The following CFAP96 variants were observed in gnomAD, a reference collection of about 807,000 sequenced individuals.
CFAP96 encodes the protein cilia and flagella associated protein 96, also known as cilia-and flagella-associated protein 96.
At chr4:185,425,844 G>T in the CFAP96 span, 1 of 1,602,362 alleles carries the variant, frequency 6.2e-7, no homozygotes, top group Non-Finnish European at 8.5e-7. Flanking sequence ...CACAGGGGTC[G>T]GTGACGAGCA....
the CFAP96 span, among the ~76,000 whole-genome samples, chr4:185,417,366 C>T: frequency 1.3e-5 from 2 of 152,228 alleles, no homozygotes; most frequent in African/African-American, 2.4e-5. Context: ...GTAAATCTAA[C>T]AGCTCATCTG....
the CFAP96 span, among the ~76,000 whole-genome samples, chr4:185,424,931 G>A: frequency 6.6e-6 from 1 of 152,216 alleles, no homozygotes; most frequent in Non-Finnish European, 1.5e-5. Context: ...GATACTCTCT[G>A]AAGAAATAAT....
chr4:185,418,836 A>G, the CFAP96 span: 4 of 1,289,758 alleles, frequency 3.1e-6, no homozygotes, highest in Admixed American at 1.1e-4. Context: ...GGTTCCAAAC[A>G]TACACAAAAG....
At chr4:185,411,832 A>G in the CFAP96 span, among the ~76,000 whole-genome samples, 3 of 152,236 alleles carry the variant, frequency 2.0e-5, no homozygotes, top group African/African-American at 7.2e-5. Context: ...GATGTTTGAT[A>G]TGTAATATTG....
At chr4:185,436,396 TA>T in the CFAP96 span, 1 of 1,391,688 alleles carries the variant, frequency 7.2e-7, no homozygotes. Context: ...ACCTTTCTTT[TA>T]TTTAGCTAAC....
the CFAP96 span, among the ~76,000 whole-genome samples, chr4:185,441,051 A>G: frequency 1.3e-5 from 2 of 151,856 alleles, no homozygotes; most frequent in Non-Finnish European, 2.9e-5. Context: ...CTTGAGTTCA[A>G]GCAATACTCC....
At chr4:185,409,643 C>T in the CFAP96 span, among the ~76,000 whole-genome samples, 1 of 152,144 alleles carries the variant, frequency 6.6e-6, no homozygotes, top group African/African-American at 2.4e-5. Context: ...AAGTGGCTCC[C>T]AAAAGGTATG....
chr4:185,435,770 C>T, the CFAP96 span, among the ~76,000 whole-genome samples: 1 of 152,096 alleles, frequency 6.6e-6, no homozygotes, highest in African/African-American at 2.4e-5. Context: ...ACACAAAAGA[C>T]TCTGTTTATT....
the CFAP96 span, among the ~76,000 whole-genome samples, chr4:185,439,847 A>T: frequency 6.7e-6 from 1 of 148,192 alleles, no homozygotes; most frequent in South Asian, 2.1e-4. Flanking sequence ...TCATATATAC[A>T]TATAAAATGT....
At chr4:185,440,661 AAG>A in the CFAP96 span, 3 of 1,506,226 alleles carry the variant, frequency 2.0e-6, no homozygotes, top group Non-Finnish European at 2.7e-6. Flanking sequence ...CCAATTAAAA[AAG>A]AAGAGAAGAA....
chr4:185,418,459 G>A, the CFAP96 span: 2 of 1,608,848 alleles, frequency 1.2e-6, no homozygotes, highest in Non-Finnish European at 1.7e-6. Flanking sequence ...ATAACTTTTT[G>A]TCCTTCTTTC....
At chr4:185,426,736 G>T in the CFAP96 span, among the ~76,000 whole-genome samples, 1 of 152,082 alleles carries the variant, frequency 6.6e-6, no homozygotes, top group African/African-American at 2.4e-5. Context: ...CTCAATAAGA[G>T]TTAAGTAGTG....
chr4:185,408,485 C>G, the CFAP96 span: 1 of 1,528,454 alleles, frequency 6.5e-7, no homozygotes, highest in Non-Finnish European at 9.0e-7. Flanking sequence ...GATAGAAGTA[C>G]ATATTCTATA....
chr4:185,409,470 G>GCA, the CFAP96 span, among the ~76,000 whole-genome samples: 8 of 151,964 alleles, frequency 5.3e-5, no homozygotes, highest in Admixed American at 3.3e-4. Context: ...GATTACAGTT[G>GCA]CACACCACCA....
chr4:185,424,626 C>A, the CFAP96 span, among the ~76,000 whole-genome samples: 930 of 152,222 alleles, frequency 6.1e-3, 9 homozygotes, highest in African/African-American at 0.02. Flanking sequence ...AAATGGAAAC[C>A]ACTTAAATAG....
chr4:185,414,307 G>C, the CFAP96 span, among the ~76,000 whole-genome samples: 1 of 152,190 alleles, frequency 6.6e-6, no homozygotes, highest in African/African-American at 2.4e-5. Context: ...GTAAGTGGTA[G>C]TGATTAAACT....
chr4:185,419,138 T>TC, the CFAP96 span, among the ~76,000 whole-genome samples: 1 of 152,096 alleles, frequency 6.6e-6, no homozygotes. Flanking sequence ...CTACATCTTT[T>TC]CTTTTTTTTT....
chr4:185,425,857 G>T, the CFAP96 span: 1 of 1,604,412 alleles, frequency 6.2e-7, no homozygotes, highest in Non-Finnish European at 8.5e-7. Flanking sequence ...GACGAGCAGA[G>T]ATACTCACCA....
the CFAP96 span, among the ~76,000 whole-genome samples, chr4:185,419,422 G>A: frequency 1.3e-5 from 2 of 152,128 alleles, no homozygotes; most frequent in Non-Finnish European, 2.9e-5. Flanking sequence ...GAGCCACCGC[G>A]CCTGGCCCTC....
Sources: gnomAD v4.1 joint callset for allele counts (sites outside exome capture counted in the v4.1 genomes callset) on GRCh38, gnomAD v4.1.1 for gene constraint, MANE v1.5 for transcripts, NCBI Gene and HGNC (gene_info 2026-07-23, HGNC 2026-07-21) for gene names.